GAB1: variants seen among roughly 807,000 people sequenced by gnomAD.
GAB1 encodes the protein GRB2 associated binding protein 1.
Under a neutral mutation model 66.5 loss-of-function variants are expected in GAB1, and 19 were observed. The ratio of observed to expected loss-of-function variants is 0.29; its 90% CI spans 0.20 to 0.42. The LOEUF is 0.42. GAB1 is among the 10% of genes least tolerant of loss of function. The pLI, the probability that GAB1 is intolerant of heterozygous loss-of-function variation, is 1.00. For synonymous variants in GAB1, 294 were observed against 301.4 expected (o/e 0.98, Z 0.25); for missense variants, 732 against 858.5 (o/e 0.85, Z 1.84).
intron 2 of GAB1, among the ~76,000 whole-genome samples, chr4:143,424,314 C>T (rs1323527631): frequency 6.6e-6 from 1 of 152,174 alleles, no homozygotes; most frequent in Non-Finnish European, 1.5e-5. Context: ...CTTGTGAATA[C>T]AGTGTGTAGG....
At chr4:143,343,422 G>A (rs1418558592) in intron 1 of GAB1, 2 of 154,858 alleles carry the variant, frequency 1.3e-5, no homozygotes, top group African/African-American at 4.8e-5. Flanking sequence ...CTGTGCTCCT[G>A]GGCTGGGTGC....
intron 6 of GAB1, among the ~76,000 whole-genome samples, chr4:143,452,108 TTTTC>T (rs1010896893): frequency 2.6e-5 from 4 of 152,088 alleles, no homozygotes; most frequent in African/African-American, 9.7e-5. Context: ...TGCAAGGCTA[TTTTC>T]TTTCTTTTTC....
intron 1 of GAB1, among the ~76,000 whole-genome samples, chr4:143,355,993 T>C (rs542104546): frequency 6.6e-6 from 1 of 152,216 alleles, no homozygotes; most frequent in African/African-American, 2.4e-5. Flanking sequence ...AACATGAAGC[T>C]GCATGGCCTA....
chr4:143,383,754 AT>A (rs1293808003), intron 1 of GAB1, among the ~76,000 whole-genome samples: 5 of 152,318 alleles, frequency 3.3e-5, no homozygotes, highest in African/African-American at 1.2e-4. Flanking sequence ...TGTACCCATT[AT>A]AATTTGGCTC....
intron 6 of GAB1, among the ~76,000 whole-genome samples, chr4:143,453,567 G>A (rs1205235589): frequency 6.6e-6 from 1 of 152,076 alleles, no homozygotes. Context: ...GAAATTACTG[G>A]TCACGAAGGT....
intron 1 of GAB1, among the ~76,000 whole-genome samples, chr4:143,412,552 G>C (rs1281431554): frequency 1.3e-5 from 2 of 152,144 alleles, no homozygotes. Flanking sequence ...TGTTTGGGGA[G>C]TTACGTACTA....
intron 1 of GAB1, among the ~76,000 whole-genome samples, chr4:143,414,124 C>T (rs1007312892): frequency 6.6e-6 from 1 of 152,006 alleles, no homozygotes; most frequent in Non-Finnish European, 1.5e-5. Flanking sequence ...CACCCAGGCC[C>T]AGAGTGTCCT....
At chr4:143,419,342 C>T (rs1478058249) in intron 2 of GAB1, among the ~76,000 whole-genome samples, 9 of 152,046 alleles carry the variant, frequency 5.9e-5, no homozygotes, top group Middle Eastern at 3.2e-3. Context: ...AATTATACTA[C>T]TGATTCATAA....
At chr4:143,354,998 CTGTT>C (rs1326656734) in intron 1 of GAB1, among the ~76,000 whole-genome samples, 25 of 152,156 alleles carry the variant, frequency 1.6e-4, no homozygotes, top group Admixed American at 1.3e-4. Flanking sequence ...TTGAAAACAT[CTGTT>C]TGTTTTCAAA....
chr4:143,423,792 G>GTATGTATATA (rs1553951648), intron 2 of GAB1, among the ~76,000 whole-genome samples: 16 of 67,734 alleles, frequency 2.4e-4, no homozygotes, highest in Non-Finnish European at 4.6e-4. Context: ...AAAAAAAAGT[G>GTATGTATATA]TATATATATA....
intron 1 of GAB1, among the ~76,000 whole-genome samples, chr4:143,346,461 G>A (rs1034263123): frequency 2.0e-5 from 3 of 152,176 alleles, no homozygotes; most frequent in East Asian, 3.9e-4. Context: ...TGTGGCCAGA[G>A]TTGGAGTTGC....
rs1416037173 is a variant in GAB1, at chr4:143,471,190, A to G, written c.*2001A>G. The G allele has an allele frequency of 6.6e-6, 1 of 152,230 alleles. No homozygotes were observed. The highest frequency in any genetic ancestry group is 1.5e-5 in the Non-Finnish European group (1 of 68,022). The allele number at this position is 152,230 out of a possible 1,614,324, so 9.4% of individuals were successfully genotyped here. A position where few individuals can be genotyped will look rare whatever the true frequency, so the allele number is the denominator to read the frequency against. ...CTTTACAGCTGCCTATCAAGGGTCT[A>G]AAGCACTTAATGAATGTTTTTAGTC... On this transcript the variant is annotated 3_prime_UTR_variant, in exon 10 of 10. Coordinates refer to ENST00000262994, the MANE Select transcript of GAB1 (RefSeq NM_002039.4).
intron 2 of GAB1, among the ~76,000 whole-genome samples, chr4:143,422,728 A>G (rs982579740): frequency 2.6e-5 from 4 of 152,226 alleles, no homozygotes; most frequent in Non-Finnish European, 5.9e-5. Context: ...TCATCACATG[A>G]TAATCTACTC....
chr4:143,451,655 T>A (rs920261033), intron 6 of GAB1, among the ~76,000 whole-genome samples: 8 of 152,160 alleles, frequency 5.3e-5, no homozygotes, highest in Admixed American at 5.2e-4. Context: ...TAAAAATCAC[T>A]TTTCTTTCTC....
intron 6 of GAB1, among the ~76,000 whole-genome samples, chr4:143,441,220 G>C (rs1384278670): frequency 6.6e-6 from 1 of 152,174 alleles, no homozygotes; most frequent in Non-Finnish European, 1.5e-5. Flanking sequence ...TGGGGTTTAA[G>C]TTGTTAAAAC....
At chr4:143,435,737 TG>T (rs1218615425) in intron 3 of GAB1, among the ~76,000 whole-genome samples, 3 of 152,220 alleles carry the variant, frequency 2.0e-5, no homozygotes, top group Non-Finnish European at 4.4e-5. Flanking sequence ...AAGTAAGAGT[TG>T]CTAAGAAGTG....
At chr4:143,397,797 C>T (rs1560741156) in intron 1 of GAB1, among the ~76,000 whole-genome samples, 3 of 152,156 alleles carry the variant, frequency 2.0e-5, no homozygotes, top group Admixed American at 2.0e-4. Context: ...ATATATCTTT[C>T]CAAGGTCCCT....
At chr4:143,364,941 T>C (rs986491982) in intron 1 of GAB1, among the ~76,000 whole-genome samples, 13 of 142,086 alleles carry the variant, frequency 9.1e-5, no homozygotes, top group Non-Finnish European at 1.5e-4. Context: ...GCAGTGGCGC[T>C]ATCTCGGGTC....
At chr4:143,420,186 C>T (rs544659610) in intron 2 of GAB1, among the ~76,000 whole-genome samples, 36 of 152,058 alleles carry the variant, frequency 2.4e-4, no homozygotes, top group Non-Finnish European at 4.7e-4. Flanking sequence ...TTTGAGAGAG[C>T]TGACTGTCCT....
Sources: allele counts gnomAD v4.1 joint callset (sites outside exome capture counted in the v4.1 genomes callset), GRCh38; gene constraint gnomAD v4.1.1; transcripts MANE v1.5; gene names NCBI Gene and HGNC (gene_info 2026-07-23, HGNC 2026-07-21).